The following RIMS2 variants were observed in gnomAD, a reference collection of about 807,000 sequenced individuals.
RIMS2 encodes regulating synaptic membrane exocytosis 2.
In RIMS2, 59 loss-of-function variants were observed where a neutral mutation model predicts 174.4. That is an observed-to-expected ratio of 0.34 (90% CI 0.27 to 0.42). The LOEUF is 0.42. Among genes scored for constraint, RIMS2 ranks in the 10% least tolerant of loss-of-function variants. The pLI is 1.00. For synonymous variants in RIMS2, 606 were observed against 572.5 expected, an observed-to-expected ratio of 1.06 and a Z score of -0.84; for missense variants, 1,620 against 1,666.3, an observed-to-expected ratio of 0.97 and a Z score of 0.48.
At chr8:103,833,270 TCTTTGGTTTC>T (rs1253284622) in intron 3 of RIMS2, among the ~76,000 whole-genome samples, 1 of 152,214 alleles carries the variant, frequency 6.6e-6, no homozygotes, top group African/African-American at 2.4e-5. Flanking sequence ...TAATTTGTTT[TCTTTGGTTTC>T]CTTCAAAAAT....
chr8:104,138,475 G>A lies in RIMS2; in HGVS notation c.3335-106441G>A, dbSNP rs560435086. ...TTCGATAAAATCCATTTTAACCAGG[G>A]TGAAATGATATTTCATTGTAGTTTT... On this transcript the variant is annotated intron_variant, in intron 19 of 23. Transcript: ENST00000504942. Among the ~76,000 whole-genome samples the A allele has an allele frequency of 5.3e-5, 8 of 152,190 alleles. No individual in the cohort carries two copies. In the East Asian group the frequency reaches 1.2e-3, roughly 22 times the overall value.
chr8:104,124,731 G>T (rs2098414600), intron 19 of RIMS2, among the ~76,000 whole-genome samples: 1 of 152,114 alleles, frequency 6.6e-6, no homozygotes, highest in Non-Finnish European at 1.5e-5. Context: ...TTAGTGCTTG[G>T]CTTTTTGCCC....
rs1344385474 is a variant in RIMS2 at position 103,880,067 on chromosome 8, T to A, written c.699-5231T>A. On this transcript the variant is annotated intron_variant, in intron 3 of 23. Transcript: ENST00000504942. ...GCTTCTTGAACCTTTGGGGAAACAT[T>A]GCCTTTTTACTGAAGATTAAGAAAC... Among the ~76,000 whole-genome samples, 3 of 151,726 alleles carry A rather than the reference T, an allele frequency of 2.0e-5. No individual in the cohort carries two copies. In the East Asian group the frequency reaches 5.8e-4, roughly 29 times the overall value.
chr8:103,695,465 T>A (rs1335376262), intron 1 of RIMS2, among the ~76,000 whole-genome samples: 1 of 151,988 alleles, frequency 6.6e-6, no homozygotes, highest in Non-Finnish European at 1.5e-5. Flanking sequence ...TGAGACACAT[T>A]TTATTTTTAA....
chr8:104,006,661 T>TCTCTCG (rs1331568658), intron 17 of RIMS2, among the ~76,000 whole-genome samples: 11 of 151,494 alleles, frequency 7.3e-5, no homozygotes, highest in African/African-American at 2.7e-4. Context: ...TCTCTCTCTC[T>TCTCTCG]CTCTCTCTGT....
At chr8:103,516,823 AGAGGTACTACAT>A (rs2130084857) in intron 1 of RIMS2, among the ~76,000 whole-genome samples, 1 of 152,260 alleles carries the variant, frequency 6.6e-6, no homozygotes, top group Admixed American at 6.5e-5. Flanking sequence ...AAGGTCGGGG[AGAGGTACTACAT>A]GGCGCTGCTT....
At chr8:103,589,595 G>C (rs1255614008) in intron 1 of RIMS2, among the ~76,000 whole-genome samples, 5 of 151,448 alleles carry the variant, frequency 3.3e-5, no homozygotes, top group African/African-American at 1.2e-4. Flanking sequence ...GCCAAAGAAA[G>C]GAAATCAGTA....
intron 19 of RIMS2, among the ~76,000 whole-genome samples, chr8:104,191,190 T>A (rs958422298): frequency 6.6e-6 from 1 of 152,084 alleles, no homozygotes; most frequent in Non-Finnish European, 1.5e-5. Flanking sequence ...TTGAGGGTAT[T>A]TATGGTGGGT....
intron 19 of RIMS2, among the ~76,000 whole-genome samples, chr8:104,022,249 T>C (rs981496341): frequency 6.6e-6 from 1 of 152,156 alleles, no homozygotes; most frequent in African/African-American, 2.4e-5. Flanking sequence ...AAGGCAGTTT[T>C]GTTTTGGGGA....
rs562356303 is a variant in RIMS2 at position 103,917,731 on chromosome 8, A to G, written c.2037-710A>G. Among the ~76,000 whole-genome samples, 6 of 152,192 alleles carry G rather than the reference A, an allele frequency of 3.9e-5. No individual in the cohort carries two copies. In the East Asian group the frequency reaches 1.2e-3, roughly 29 times the overall value. On this transcript the variant is annotated intron_variant, in intron 8 of 23. Coordinates refer to ENST00000504942, the Ensembl canonical transcript of RIMS2. ...TTCTCAATGATGTTACTACATTTTA[A>G]AAGTTTCCGGTGGCTCATGCCTGTA...
intron 19 of RIMS2, among the ~76,000 whole-genome samples, chr8:104,168,557 C>T (rs180837130): frequency 3.3e-5 from 5 of 152,050 alleles, no homozygotes; most frequent in Admixed American, 1.3e-4. Flanking sequence ...GATCTAGGAG[C>T]TTTTTGGATG....
intron 1 of RIMS2, among the ~76,000 whole-genome samples, chr8:103,534,140 A>G (rs987374655): frequency 6.6e-6 from 1 of 152,248 alleles, no homozygotes; most frequent in African/African-American, 2.4e-5. Flanking sequence ...AGCTCCACAT[A>G]TAAGGTAAAA....
intron 19 of RIMS2, among the ~76,000 whole-genome samples, chr8:104,176,532 GT>G (rs1487702268): frequency 6.6e-6 from 1 of 152,020 alleles, no homozygotes; most frequent in African/African-American, 2.4e-5. Context: ...TTGCTGTGAA[GT>G]TATAGTAACC....
chr8:103,613,038 C>CCCAATGTTACCA (rs1294196987), intron 1 of RIMS2, among the ~76,000 whole-genome samples: 1 of 152,094 alleles, frequency 6.6e-6, no homozygotes, highest in Non-Finnish European at 1.5e-5. Context: ...TTACTTAAGT[C>CCCAATGTTACCA]CCTGGTTACC....
At chr8:103,788,030 A>G (rs2098460242) in intron 3 of RIMS2, among the ~76,000 whole-genome samples, 1 of 150,784 alleles carries the variant, frequency 6.6e-6, no homozygotes, top group African/African-American at 2.4e-5. Context: ...TTCATCTTCC[A>G]TTGCTGATAC....
intron 15 of RIMS2, among the ~76,000 whole-genome samples, chr8:103,961,950 A>G (rs1472739517): frequency 3.3e-5 from 5 of 152,202 alleles, no homozygotes; most frequent in African/African-American, 1.2e-4. Context: ...GGTGAACAAT[A>G]TAAGACTACA....
intron 4 of RIMS2, among the ~76,000 whole-genome samples, chr8:103,905,533 TG>T (rs2154525683): frequency 6.6e-6 from 1 of 152,278 alleles, no homozygotes; most frequent in South Asian, 2.1e-4. Context: ...AGTTTTAGTT[TG>T]ATTATGGTGT....
chr8:103,678,883 G>A (rs889169900), intron 1 of RIMS2, among the ~76,000 whole-genome samples: 3 of 152,048 alleles, frequency 2.0e-5, no homozygotes, highest in African/African-American at 7.2e-5. Flanking sequence ...ATCCATACAG[G>A]TGGTTACTGT....
chr8:103,938,013 T>C (rs180785678), intron 13 of RIMS2, among the ~76,000 whole-genome samples: 2 of 152,234 alleles, frequency 1.3e-5, no homozygotes, highest in African/African-American at 4.8e-5. Flanking sequence ...CATGCCCAGC[T>C]AATTTTGTTT....
Sources: gnomAD v4.1 joint callset for allele counts (sites outside exome capture counted in the v4.1 genomes callset) on GRCh38, gnomAD v4.1.1 for gene constraint, MANE v1.5 for transcripts, NCBI Gene and HGNC (gene_info 2026-07-23, HGNC 2026-07-21) for gene names.